The following ESYT2 variants were observed in gnomAD, a reference collection of about 807,000 sequenced individuals.
ESYT2 encodes extended synaptotagmin 2.
ESYT2 carries 54 observed loss-of-function variants against 107.2 expected under a neutral mutation model. The ratio of observed to expected loss-of-function variants is 0.50; its 90% confidence interval spans 0.40 to 0.63. ESYT2 has a LOEUF of 0.63. ESYT2 is among the 30% of genes least tolerant of loss of function. ESYT2 has a pLI of 0.00. For synonymous variants in ESYT2, 491 were observed against 434.1 expected (o/e 1.13, Z -1.63); for missense variants, 1,020 against 1,094.5 (o/e 0.93, Z 0.96).
rs527749526 is a variant in ESYT2, at chr7:158,760,003, A to G, written c.1323+55T>C. 2.0e-6 allele frequency: 3 copies of G among 1,511,078 alleles called. No homozygotes were observed. The African/African-American group carries it at 4.1e-5, about 21-fold the overall frequency. The allele number at this position is 1,511,078 out of a possible 1,614,324, so 93.6% of individuals were successfully genotyped here. On this transcript the variant is annotated intron_variant, in intron 12 of 22. Transcript: ENST00000275418. ...GCAACACAACTGAGAGACCAAGCTC[A>G]GTTATGAGGAGTAGTTGGTTAGGTA...
At position 158,813,339 on chromosome 7, in the gene ESYT2, A is replaced by T. The variant is rs141089666; in HGVS notation, c.331-14267T>A. Among the ~76,000 whole-genome samples, 5 of 152,354 alleles carry T rather than the reference A, an allele frequency of 3.3e-5. No homozygotes were observed. In the East Asian group the frequency reaches 7.7e-4, roughly 24 times the overall value. On this transcript the variant is annotated intron_variant, in intron 1 of 22. Coordinates refer to ENST00000275418, the MANE Select transcript of ESYT2 (RefSeq NM_001367773.1). ...CGTATGACATTGTAATAGCTGATACATGCCATTATCCATTTGTCAAGATCC... is the reference window on the plus strand; with the variant it reads ...CGTATGACATTGTAATAGCTGATACTTGCCATTATCCATTTGTCAAGATCC...
At chr7:158,762,081 C>T (rs115158146) in intron 10 of ESYT2, among the ~76,000 whole-genome samples, 1 of 152,024 alleles carries the variant, frequency 6.6e-6, no homozygotes, top group Non-Finnish European at 1.5e-5. Flanking sequence ...CGCCCTCACT[C>T]GGTGCATCTG....
At chr7:158,806,431 AT>A (rs571249083) in intron 1 of ESYT2, among the ~76,000 whole-genome samples, 245 of 152,134 alleles carry the variant, frequency 1.6e-3, no homozygotes, top group Admixed American at 2.6e-3. Context: ...CTATCCATTT[AT>A]TTTTTAAAGG....
chr7:158,781,254 T>TGTGAGTGAACAA (rs1257382288), intron 6 of ESYT2, among the ~76,000 whole-genome samples: 1 of 151,404 alleles, frequency 6.6e-6, no homozygotes, highest in Non-Finnish European at 1.5e-5. Flanking sequence ...TGAGAACCAG[T>TGTGAGTGAACAA]GTGAGTGAAC....
chr7:158,766,231 C>T (rs1031433058), intron 8 of ESYT2, among the ~76,000 whole-genome samples: 5 of 152,178 alleles, frequency 3.3e-5, no homozygotes, highest in African/African-American at 1.2e-4. Flanking sequence ...ACATGTCCCC[C>T]CACAGAGGAA....
chr7:158,775,985 C>A (rs1289249509), intron 6 of ESYT2, among the ~76,000 whole-genome samples: 3 of 152,208 alleles, frequency 2.0e-5, no homozygotes, highest in African/African-American at 7.2e-5. Flanking sequence ...TGTCAGCAGG[C>A]AAGAAAACAG....
intron 15 of ESYT2, among the ~76,000 whole-genome samples, chr7:158,748,913 A>T (rs1316768297): frequency 6.6e-6 from 1 of 151,262 alleles, no homozygotes; most frequent in South Asian, 2.1e-4. Context: ...AGGAAAGTAG[A>T]ACATATTACA....
At chr7:158,746,135 C>CT (rs1341823931) in intron 16 of ESYT2, among the ~76,000 whole-genome samples, 2 of 152,062 alleles carry the variant, frequency 1.3e-5, no homozygotes, top group African/African-American at 2.4e-5. Context: ...AATCCCAGCA[C>CT]TTTGAGAGGC....
rs1320343439 is a variant in ESYT2, at chr7:158,732,832, T to C, written c.*1375A>G. On this transcript the variant is annotated 3_prime_UTR_variant, in exon 23 of 23. Transcript: ENST00000275418. ...CATAGTTTTAAGATGTTCTCATGGC[T>C]ATGGAAGCCATTTTCAGCATATAGC... is the stretch of plus-strand genomic sequence containing the variant. The C allele has an allele frequency of 1.3e-5, 2 of 152,434 alleles. No individual in the cohort carries two copies. Among genetic ancestry groups the C allele is most frequent in the Admixed American group, 6.5e-5 (1 of 15,292 alleles). 9.4% of individuals were successfully genotyped at this position (152,434 alleles called of 1,614,324 possible). A position where few individuals can be genotyped will look rare whatever the true frequency, so the allele number is the denominator to read the frequency against.
chr7:158,777,434 A>G (rs977052891), intron 6 of ESYT2, among the ~76,000 whole-genome samples: 2 of 152,144 alleles, frequency 1.3e-5, no homozygotes, highest in African/African-American at 4.8e-5. Context: ...GGGACCTGGT[A>G]GGAGGTGATT....
chr7:158,753,417 A>G (rs776369028), intron 13 of ESYT2, among the ~76,000 whole-genome samples: 7 of 152,078 alleles, frequency 4.6e-5, no homozygotes, highest in African/African-American at 4.8e-5. Flanking sequence ...ATATAGTCCT[A>G]TGATTATGGG....
Position 158,829,482 on chromosome 7 carries a change from C to T in ESYT2, c.-64G>A. 2 of 1,213,620 alleles carry T rather than the reference C, an allele frequency of 1.6e-6. No individual in the cohort carries two copies. Among genetic ancestry groups the T allele is most frequent in the Non-Finnish European group, 2.0e-6 (2 of 976,322 alleles). The allele number at this position is 1,213,620 out of a possible 1,614,324, so 75.2% of individuals were successfully genotyped here. A position where few individuals can be genotyped will look rare whatever the true frequency, so the allele number is the denominator to read the frequency against. ...GCTGGGTGCTCGCGCTGATCCCGGG[C>T]GGCTCAGCCCCGCGCCAGCGCCCCT... On this transcript the variant is annotated 5_prime_UTR_variant, in exon 1 of 23. Transcript: ENST00000275418.
At chr7:158,754,382 AT>A (rs200540245) in intron 13 of ESYT2, among the ~76,000 whole-genome samples, 15 of 147,198 alleles carry the variant, frequency 1.0e-4, no homozygotes, top group Admixed American at 1.4e-4. Flanking sequence ...AATTTTTTGT[AT>A]TTTTTTTTTA....
chr7:158,813,735 G>A (rs1337382956), intron 1 of ESYT2, among the ~76,000 whole-genome samples: 1 of 152,092 alleles, frequency 6.6e-6, no homozygotes, highest in African/African-American at 2.4e-5. Context: ...GAGCACCTCT[G>A]TTCCTCGTCC....
chr7:158,763,255 G>C, intron 9 of ESYT2, 90 bp from the exon 10 acceptor site: 1 of 702,320 alleles, frequency 1.4e-6, no homozygotes, highest in Non-Finnish European at 2.2e-6. Flanking sequence ...AATATGACCA[G>C]GTACTTTTCT....
At chr7:158,776,027 T>A (rs771075013) in intron 6 of ESYT2, among the ~76,000 whole-genome samples, 3 of 152,234 alleles carry the variant, frequency 2.0e-5, no homozygotes, top group Non-Finnish European at 4.4e-5. Context: ...GCATCAGATC[T>A]CCTGGGTGAC....
intron 1 of ESYT2, among the ~76,000 whole-genome samples, chr7:158,820,140 TATGG>T (rs1356692014): frequency 1.3e-5 from 2 of 152,248 alleles, no homozygotes; most frequent in African/African-American, 4.8e-5. Context: ...GGTTTGGTAT[TATGG>T]ATGATCTTTT....
At chr7:158,812,680 G>A (rs1840023012) in intron 1 of ESYT2, among the ~76,000 whole-genome samples, 1 of 152,186 alleles carries the variant, frequency 6.6e-6, no homozygotes, top group African/African-American at 2.4e-5. Flanking sequence ...ACAGCCAAAA[G>A]GTGGAAACAA....
At chr7:158,743,497 C>A in intron 17 of ESYT2, 32 bp downstream of exon 17, 2 of 1,589,374 alleles carry the variant, frequency 1.3e-6, no homozygotes, top group Non-Finnish European at 1.7e-6. Context: ...CTCCCCATCC[C>A]CTATGGTGTT....
Sources: gnomAD v4.1 joint callset for allele counts (sites outside exome capture counted in the v4.1 genomes callset) on GRCh38, gnomAD v4.1.1 for gene constraint, MANE v1.5 for transcripts, NCBI Gene and HGNC (gene_info 2026-07-23, HGNC 2026-07-21) for gene names.